The following CNTN3 variants were observed in gnomAD, a reference collection of about 807,000 sequenced individuals.
The protein encoded by CNTN3 is contactin-3.
A neutral mutation model predicts 119.1 loss-of-function variants in CNTN3; 60 were observed. That is an observed-to-expected ratio of 0.50 (90% CI 0.41 to 0.62). The LOEUF (loss-of-function observed/expected upper bound fraction) is 0.62, where lower values mean the gene tolerates loss of function less well. Among genes scored for constraint, CNTN3 ranks in the 20% least tolerant of loss-of-function variants. CNTN3 has a pLI of 0.00. For missense variants in CNTN3, 1,101 were observed against 1,242.4 expected, an observed-to-expected ratio of 0.89 and a Z score of 1.71; for synonymous variants, 450 against 438.7, an observed-to-expected ratio of 1.03 and a Z score of -0.32.
intron 13 of CNTN3, among the ~76,000 whole-genome samples, chr3:74,331,002 A>T (rs1703251429): frequency 6.6e-6 from 1 of 152,232 alleles, no homozygotes; most frequent in African/African-American, 2.4e-5. Flanking sequence ...AAAGTAAAAA[A>T]GTTATGGTAA....
rs183989555 is a variant in CNTN3 at position 74,552,275 on chromosome 3, C to T, written c.-80-31083G>A. Among the ~76,000 whole-genome samples the T allele has an allele frequency of 3.3e-3, 501 of 152,280 alleles. 5 individuals carry two copies. The highest frequency in any genetic ancestry group is 0.015 in the Admixed American group (235 of 15,304). On this transcript the variant is annotated intron_variant, in intron 1 of 22. Transcript: ENST00000263665. ...CCATAAACGTCCATGTGGATATTTT[C>T]GTGTGGACATAAGTTCTCAATTCAT...
intron 1 of CNTN3, among the ~76,000 whole-genome samples, chr3:74,525,166 C>T (rs1254309495): frequency 6.6e-6 from 1 of 151,668 alleles, no homozygotes; most frequent in African/African-American, 2.4e-5. Flanking sequence ...TTGCAACATA[C>T]CAATGTTACT....
At chr3:74,512,119 A>T (rs1251258397) in intron 2 of CNTN3, among the ~76,000 whole-genome samples, 1 of 152,166 alleles carries the variant, frequency 6.6e-6, no homozygotes, top group Non-Finnish European at 1.5e-5. Flanking sequence ...GTGGCAATGC[A>T]ATAAATGTTA....
intron 2 of CNTN3, among the ~76,000 whole-genome samples, chr3:74,512,776 GA>G (rs928765322): frequency 7.0e-6 from 1 of 143,212 alleles, no homozygotes; most frequent in African/African-American, 2.6e-5. Context: ...ATTCCTTAAT[GA>G]AAAAATAGAT....
intron 1 of CNTN3, among the ~76,000 whole-genome samples, chr3:74,532,162 G>T (rs1362636315): frequency 6.6e-6 from 1 of 151,986 alleles, no homozygotes; most frequent in Non-Finnish European, 1.5e-5. Context: ...GTGGTGGGTA[G>T]ATGTGTGAAT....
chr3:74,359,537 C>A, intron 11 of CNTN3, among the ~76,000 whole-genome samples: 1 of 152,052 alleles, frequency 6.6e-6, no homozygotes, highest in East Asian at 1.9e-4. Context: ...GTTTGTGCCA[C>A]GAATCTATAC....
At chr3:74,600,762 CT>C (rs1704896759) in intron 1 of CNTN3, among the ~76,000 whole-genome samples, 1 of 152,054 alleles carries the variant, frequency 6.6e-6, no homozygotes, top group African/African-American at 2.4e-5. Context: ...CTAAAACACA[CT>C]CTCAAATCCA....
chr3:74,566,566 T>C (rs1159282095), intron 1 of CNTN3, among the ~76,000 whole-genome samples: 1 of 152,158 alleles, frequency 6.6e-6, no homozygotes, highest in Non-Finnish European at 1.5e-5. Context: ...CTTTAATCCC[T>C]GCCTCTGTCT....
intron 4 of CNTN3, among the ~76,000 whole-genome samples, chr3:74,429,366 C>G (rs1048567274): frequency 1.3e-5 from 2 of 150,540 alleles, no homozygotes; most frequent in African/African-American, 2.4e-5. Flanking sequence ...TACAGCAAAA[C>G]AGAGAACACA....
At chr3:74,340,740 T>G (rs1271991539) in intron 11 of CNTN3, among the ~76,000 whole-genome samples, 1 of 152,122 alleles carries the variant, frequency 6.6e-6, no homozygotes, top group Non-Finnish European at 1.5e-5. Flanking sequence ...AATGGGAAGC[T>G]TCAAGAAGCT....
intron 4 of CNTN3, among the ~76,000 whole-genome samples, chr3:74,437,475 TA>T (rs903149307): frequency 2.0e-5 from 3 of 150,640 alleles, no homozygotes; most frequent in East Asian, 3.9e-4. Context: ...AAAATAAAAA[TA>T]AAAAAAAACC....
chr3:74,381,633 T>TTATTCC (rs1258475472), intron 5 of CNTN3, among the ~76,000 whole-genome samples: 2 of 152,180 alleles, frequency 1.3e-5, no homozygotes, highest in East Asian at 3.9e-4. Flanking sequence ...ATACATACAT[T>TTATTCC]TATTCCTACC....
At chr3:74,504,513 G>T (rs1173037607) in intron 2 of CNTN3, among the ~76,000 whole-genome samples, 1 of 152,156 alleles carries the variant, frequency 6.6e-6, no homozygotes, top group Non-Finnish European at 1.5e-5. Context: ...GTAGTTTAAA[G>T]CTGGAAAATG....
intron 5 of CNTN3, among the ~76,000 whole-genome samples, chr3:74,376,014 T>A (rs1704467225): frequency 6.6e-6 from 1 of 152,008 alleles, no homozygotes; most frequent in Admixed American, 6.6e-5. Context: ...GAAGGAGGTA[T>A]GACTACACCA....
Position 74,455,817 on chromosome 3 carries a change from C to T in CNTN3, c.358+30639G>A, listed in dbSNP as rs376636883. Among the ~76,000 whole-genome samples, 21 of 152,132 alleles carry T rather than the reference C, an allele frequency of 1.4e-4. No individual in the cohort carries two copies. In the East Asian group the frequency reaches 3.5e-3, roughly 25 times the overall value. On this transcript the variant is annotated intron_variant, in intron 4 of 22. Coordinates refer to ENST00000263665, the MANE Select transcript of CNTN3 (RefSeq NM_020872.3). ...CTGGTTTTCAAGCTTCACTGTGCAT[C>T]AAAACCACCTGGAGGTCTTGTTAAA...
At chr3:74,349,711 G>A (rs569254990) in intron 11 of CNTN3, among the ~76,000 whole-genome samples, 9 of 152,282 alleles carry the variant, frequency 5.9e-5, no homozygotes, top group Admixed American at 1.3e-4. Flanking sequence ...CTATGATTGC[G>A]TTAATATTTT....
Position 74,476,502 on chromosome 3 carries a change from C to T in CNTN3, c.358+9954G>A, listed in dbSNP as rs113165716. Among the ~76,000 whole-genome samples the T allele has an allele frequency of 1.7e-3, 259 of 152,232 alleles. 2 individuals are homozygous for T. Among genetic ancestry groups the T allele is most frequent in the African/African-American group, 5.8e-3 (239 of 41,544 alleles). ...ATGTTTGTCCAGGTAGGTAGAAACT[C>T]TGCTAAAGATCAAATTCGCATCAAA... On this transcript the variant is annotated intron_variant, in intron 4 of 22. Coordinates refer to ENST00000263665, the MANE Select transcript of CNTN3 (RefSeq NM_020872.3).
intron 4 of CNTN3, among the ~76,000 whole-genome samples, chr3:74,485,255 C>T (rs1269177113): frequency 1.3e-5 from 2 of 151,868 alleles, no homozygotes; most frequent in Non-Finnish European, 2.9e-5. Flanking sequence ...TTGTTTAAAA[C>T]AGAGAAACTC....
At position 74,521,172 on chromosome 3, in the gene CNTN3, T is replaced by C; in HGVS notation, c.-60A>G. The C allele has an allele frequency of 1.1e-6, 1 of 946,720 alleles. No individual in the cohort carries two copies. The highest frequency in any genetic ancestry group is 1.6e-6 in the Non-Finnish European group (1 of 624,166). The allele number at this position is 946,720 out of a possible 1,614,324, so 58.6% of individuals were successfully genotyped here. On this transcript the variant is annotated 5_prime_UTR_variant, in exon 2 of 23. Coordinates refer to ENST00000263665, the MANE Select transcript of CNTN3 (RefSeq NM_020872.3). ...AGTCTCTGATGAATAGAATGCTTTC[T>C]CTTCAGGTAAATCCTTTAATCTGTA... is the stretch of plus-strand genomic sequence containing the variant.
Sources: gnomAD v4.1 joint callset for allele counts (sites outside exome capture counted in the v4.1 genomes callset) on GRCh38, gnomAD v4.1.1 for gene constraint, MANE v1.5 for transcripts, NCBI Gene and HGNC (gene_info 2026-07-23, HGNC 2026-07-21) for gene names.